Variants in SPHKAP observed in about 807,000 individuals in gnomAD.
The protein encoded by SPHKAP is A-kinase anchor protein SPHKAP.
SPHKAP carries 67 observed loss-of-function variants against 137.5 expected under a neutral mutation model. The ratio of observed to expected loss-of-function variants is 0.49; its 90% confidence interval spans 0.40 to 0.60. SPHKAP has a LOEUF of 0.60. SPHKAP is among the 20% of genes least tolerant of loss of function. The probability of loss-of-function intolerance (pLI) is 0.00; values close to 1 mark genes in which losing one functional copy is unlikely to be tolerated. For missense variants in SPHKAP, 2,097 were observed against 2,069.3 expected (o/e 1.01, Z -0.26); for synonymous variants, 813 against 785.3 (o/e 1.04, Z -0.59).
At chr2:228,050,965 C>G (rs1696234273) in intron 3 of SPHKAP, among the ~76,000 whole-genome samples, 1 of 152,046 alleles carries the variant, frequency 6.6e-6, no homozygotes, top group South Asian at 2.1e-4. Context: ...ACCAACACAC[C>G]AGGCTAATTT....
At chr2:228,132,450 A>G (rs984146234) in intron 1 of SPHKAP, 2 of 595,160 alleles carry the variant, frequency 3.4e-6, no homozygotes, top group Non-Finnish European at 4.2e-6. Context: ...TGAAAACACC[A>G]ACACATAACA....
At position 227,981,771 on chromosome 2, in the gene SPHKAP, C is replaced by T. The variant is rs774382721; in HGVS notation, c.5049G>A (p.Glu1683=). ...HAVVQYCKMH[E]EQKDGRLSLF... is the part of the protein sequence containing the mutation. ...GACTCAGTCTCCCATCCTTCTGCTC[C>T]TCATGCATTTTGCAGTACTGGACAA... Residue 1683 remains glutamate (E), a synonymous_variant, in exon 12 of 12, where the codon GAG becomes GAA. Coordinates refer to ENST00000392056, the MANE Select transcript of SPHKAP (RefSeq NM_001142644.2). 8.7e-6 allele frequency: 14 copies of T among 1,613,838 alleles called. No individual in the cohort carries two copies. Among genetic ancestry groups the T allele is most frequent in the Admixed American group, 1.7e-5 (1 of 59,992 alleles).
intron 5 of SPHKAP, among the ~76,000 whole-genome samples, chr2:228,025,046 A>G (rs1294580503): frequency 6.6e-6 from 1 of 152,152 alleles, no homozygotes; most frequent in Non-Finnish European, 1.5e-5. Flanking sequence ...CTGAAATAGA[A>G]TTTTCATACT....
intron 2 of SPHKAP, among the ~76,000 whole-genome samples, chr2:228,124,042 T>C (rs1698996567): frequency 6.6e-6 from 1 of 151,516 alleles, no homozygotes; most frequent in Non-Finnish European, 1.5e-5. Context: ...AGATACCATC[T>C]TGCACCAGTT....
chr2:228,057,296 T>C (rs1407850684), intron 3 of SPHKAP, among the ~76,000 whole-genome samples: 1 of 152,188 alleles, frequency 6.6e-6, no homozygotes, highest in Non-Finnish European at 1.5e-5. Context: ...ATCATTGAAG[T>C]GATGATATTT....
At chr2:228,134,910 A>C (rs1699386113) in intron 1 of SPHKAP, among the ~76,000 whole-genome samples, 1 of 152,136 alleles carries the variant, frequency 6.6e-6, no homozygotes, top group African/African-American at 2.4e-5. Flanking sequence ...AGGAGTAGGA[A>C]ATGGGCAAAC....
At chr2:228,023,874 T>C (rs1694932792) in intron 5 of SPHKAP, among the ~76,000 whole-genome samples, 2 of 152,138 alleles carry the variant, frequency 1.3e-5, no homozygotes. Flanking sequence ...TAGTGATTGG[T>C]TCAGAAATGG....
chr2:228,047,893 A>G (rs1284977425), intron 3 of SPHKAP, among the ~76,000 whole-genome samples: 3 of 152,220 alleles, frequency 2.0e-5, no homozygotes, highest in African/African-American at 7.2e-5. Flanking sequence ...AGATATGGAA[A>G]TTCAGAAAGA....
intron 1 of SPHKAP, among the ~76,000 whole-genome samples, chr2:228,144,143 C>T (rs887946159): frequency 1.3e-5 from 2 of 152,194 alleles, no homozygotes; most frequent in Non-Finnish European, 2.9e-5. Context: ...CTTCCTCTGA[C>T]TCCCCTAACT....
intron 7 of SPHKAP, among the ~76,000 whole-genome samples, chr2:228,002,951 T>C (rs868698058): frequency 2.0e-5 from 3 of 152,066 alleles, no homozygotes; most frequent in South Asian, 2.1e-4. Context: ...ACCAGTACCA[T>C]GCTGTTTTGG....
At chr2:228,139,716 G>T (rs1017650795) in intron 1 of SPHKAP, among the ~76,000 whole-genome samples, 4 of 151,900 alleles carry the variant, frequency 2.6e-5, no homozygotes, top group African/African-American at 9.7e-5. Context: ...TTTAATGAAG[G>T]CTATGGGGGA....
intron 3 of SPHKAP, among the ~76,000 whole-genome samples, chr2:228,066,531 T>C (rs1696833414): frequency 6.6e-6 from 1 of 152,186 alleles, no homozygotes; most frequent in African/African-American, 2.4e-5. Context: ...CCTTTCACAG[T>C]CAAGCTGTTA....
intron 3 of SPHKAP, among the ~76,000 whole-genome samples, chr2:228,107,141 A>G (rs1406878070): frequency 6.6e-6 from 1 of 152,002 alleles, no homozygotes; most frequent in African/African-American, 2.4e-5. Flanking sequence ...ACATATTGCT[A>G]CTAGTTATCG....
intron 3 of SPHKAP, among the ~76,000 whole-genome samples, chr2:228,070,843 A>G (rs1018420866): frequency 1.3e-5 from 2 of 152,138 alleles, no homozygotes; most frequent in Admixed American, 6.5e-5. Context: ...ATGAACCTCA[A>G]AGGTCCTTAT....
intron 3 of SPHKAP, among the ~76,000 whole-genome samples, chr2:228,073,586 C>G (rs920689316): frequency 1.3e-5 from 2 of 152,182 alleles, no homozygotes; most frequent in African/African-American, 4.8e-5. Context: ...ATAAACAGAG[C>G]CTGACACTTC....
chr2:228,005,945 C>T (rs1371741360), intron 7 of SPHKAP, among the ~76,000 whole-genome samples: 2 of 152,132 alleles, frequency 1.3e-5, no homozygotes, highest in Non-Finnish European at 2.9e-5. Context: ...GTGGGTAACC[C>T]GACCTTTCTC....
At chr2:228,167,822 CAATT>C (rs1700463194) in intron 1 of SPHKAP, among the ~76,000 whole-genome samples, 1 of 152,046 alleles carries the variant, frequency 6.6e-6, no homozygotes, top group African/African-American at 2.4e-5. Flanking sequence ...AGGAAATAAT[CAATT>C]CTCTTAGTAT....
At chr2:228,118,949 A>T (rs879859499) in intron 2 of SPHKAP, among the ~76,000 whole-genome samples, 1 of 152,188 alleles carries the variant, frequency 6.6e-6, no homozygotes, top group Non-Finnish European at 1.5e-5. Flanking sequence ...ATAAATAAGC[A>T]TATATGTCAG....
In SPHKAP at chr2:228,018,937, A is replaced by G. The variant is rs563555159; in HGVS notation, c.1917T>C (p.Phe639=). Residue 639 remains phenylalanine, a synonymous_variant, in exon 7 of 12, where the codon TTT becomes TTC. Coordinates refer to ENST00000392056, the MANE Select transcript of SPHKAP (RefSeq NM_001142644.2). ...RPNTYSSIGD[F]LDSMNRRIME... is the part of the protein sequence containing the mutation. ...TGATTCTCCTGTTCATGGAGTCCAG[A>G]AAGTCTCCAATGCTGCTGTAGGTAT... The G allele has an allele frequency of 5.6e-6, 9 of 1,614,182 alleles. No homozygotes were observed. In the African/African-American group the frequency reaches 1.1e-4, roughly 19 times the overall value.
Sources: allele counts gnomAD v4.1 joint callset (sites outside exome capture counted in the v4.1 genomes callset), GRCh38; gene constraint gnomAD v4.1.1; transcripts MANE v1.5; gene names NCBI Gene and HGNC (gene_info 2026-07-23, HGNC 2026-07-21).